ZCCHC14: variants seen among roughly 807,000 people sequenced by gnomAD.
The protein encoded by ZCCHC14 is zinc finger CCHC-type containing 14.
In ZCCHC14, 16 loss-of-function variants were observed where a neutral mutation model predicts 85.0. The observed-to-expected ratio is 0.19, with a 90% CI of 0.13 to 0.29. The LOEUF is 0.29. Ranked by LOEUF, ZCCHC14 falls within the 10% of genes least tolerant of loss-of-function variation. The pLI is 1.00. For missense variants in ZCCHC14, 1,303 were observed against 1,443.5 expected (o/e 0.90, Z 1.58); for synonymous variants, 775 against 630.7 (o/e 1.23, Z -3.43).
chr16:87,410,812 C>T (rs1025714618), intron 12 of ZCCHC14, among the ~76,000 whole-genome samples: 1 of 152,170 alleles, frequency 6.6e-6, no homozygotes, highest in African/African-American at 2.4e-5. Flanking sequence ...TCCAGGTGAA[C>T]GTGATGTTAC....
At chr16:87,489,651 T>A (rs542238853) in intron 1 of ZCCHC14, among the ~76,000 whole-genome samples, 1 of 152,268 alleles carries the variant, frequency 6.6e-6, no homozygotes, top group East Asian at 1.9e-4. Flanking sequence ...GGCTGGTAAA[T>A]TCAGCGCCCA....
intron 1 of ZCCHC14, among the ~76,000 whole-genome samples, chr16:87,479,453 T>G (rs1912169378): frequency 6.6e-6 from 1 of 151,966 alleles, no homozygotes; most frequent in Admixed American, 6.6e-5. Context: ...ATATAATTTC[T>G]TTCTGGTAAT....
chr16:87,478,732 G>A (rs1332843249), intron 1 of ZCCHC14, among the ~76,000 whole-genome samples: 3 of 151,524 alleles, frequency 2.0e-5, no homozygotes, highest in African/African-American at 4.9e-5. Context: ...TCAGCCTCCC[G>A]AGTAGCTGGG....
At chr16:87,431,659 C>T (rs1004308473) in intron 3 of ZCCHC14, among the ~76,000 whole-genome samples, 5 of 152,108 alleles carry the variant, frequency 3.3e-5, no homozygotes, top group Non-Finnish European at 7.4e-5. Context: ...TGACCATATG[C>T]GAAGACAGCT....
intron 2 of ZCCHC14, among the ~76,000 whole-genome samples, chr16:87,456,142 A>G (rs1439905698): frequency 6.6e-6 from 1 of 152,184 alleles, no homozygotes; most frequent in African/African-American, 2.4e-5. Context: ...AAGAACCCAT[A>G]AGGAAATTGA....
chr16:87,446,417 G>C (rs955673232), intron 2 of ZCCHC14, among the ~76,000 whole-genome samples: 3 of 151,354 alleles, frequency 2.0e-5, no homozygotes, highest in Non-Finnish European at 4.4e-5. Flanking sequence ...CTGGAAGGCA[G>C]AGGTTACAGT....
intron 2 of ZCCHC14, among the ~76,000 whole-genome samples, chr16:87,458,072 C>A (rs1911062250): frequency 6.8e-6 from 1 of 147,790 alleles, no homozygotes; most frequent in African/African-American, 2.5e-5. Flanking sequence ...GAGACAATGA[C>A]AGATACTCGC....
intron 2 of ZCCHC14, among the ~76,000 whole-genome samples, chr16:87,436,320 GC>G (rs1185318656): frequency 2.6e-5 from 4 of 152,338 alleles, no homozygotes; most frequent in African/African-American, 7.2e-5. Flanking sequence ...GGCAGTGGCG[GC>G]CCCCCGCCAG....
intron 8 of ZCCHC14, 92 bp downstream of exon 8, chr16:87,417,368 A>G: frequency 1.3e-6 from 2 of 1,537,836 alleles, no homozygotes; most frequent in South Asian, 2.5e-5. Flanking sequence ...TACTTCATCC[A>G]CCTTGTGTTG....
At chr16:87,456,450 G>A (rs1012305365) in intron 2 of ZCCHC14, among the ~76,000 whole-genome samples, 3 of 141,644 alleles carry the variant, frequency 2.1e-5, no homozygotes, top group African/African-American at 7.6e-5. Flanking sequence ...AGAGAATGGC[G>A]TGAACCCGGG....
intron 1 of ZCCHC14, among the ~76,000 whole-genome samples, chr16:87,481,481 G>C (rs185983585): frequency 6.9e-6 from 1 of 144,252 alleles, no homozygotes; most frequent in Non-Finnish European, 1.5e-5. Context: ...CCAGAGAAGT[G>C]TGCCATGTAT....
chr16:87,454,724 T>A (rs1910868757), intron 2 of ZCCHC14, among the ~76,000 whole-genome samples: 1 of 152,232 alleles, frequency 6.6e-6, no homozygotes, highest in African/African-American at 2.4e-5. Context: ...TATAAAAGAC[T>A]ATCATCTTTT....
chr16:87,462,864 G>GT (rs200502531), intron 1 of ZCCHC14, among the ~76,000 whole-genome samples: 2,532 of 152,232 alleles, frequency 0.017, 24 homozygotes, highest in Middle Eastern at 0.048. Context: ...GAGGTCAGGA[G>GT]TTTGAGACCA....
At chr16:87,467,292 T>C (rs1911569791) in intron 1 of ZCCHC14, 3 of 1,579,104 alleles carry the variant, frequency 1.9e-6, no homozygotes, top group East Asian at 2.2e-5. Context: ...CTGGTTTTTA[T>C]CAAGCCTCAA....
chr16:87,469,452 C>G (rs576866894), intron 1 of ZCCHC14, among the ~76,000 whole-genome samples: 44 of 152,318 alleles, frequency 2.9e-4, no homozygotes, highest in African/African-American at 1.0e-3. Flanking sequence ...CACATTAAAT[C>G]CAAGGAGGCG....
intron 8 of ZCCHC14, among the ~76,000 whole-genome samples, chr16:87,416,783 T>A (rs1489970708): frequency 6.6e-6 from 1 of 152,032 alleles, no homozygotes; most frequent in African/African-American, 2.4e-5. Context: ...CATTCACAAA[T>A]CCTAAACAAA....
chr16:87,471,490 C>T (rs1426335990), intron 1 of ZCCHC14: 2 of 152,278 alleles, frequency 1.3e-5, no homozygotes, highest in Middle Eastern at 3.2e-3. Context: ...GAACCCAGTA[C>T]TTAACTAGAC....
intron 2 of ZCCHC14, among the ~76,000 whole-genome samples, chr16:87,452,116 G>C (rs1192430943): frequency 6.6e-6 from 1 of 152,240 alleles, no homozygotes; most frequent in East Asian, 1.9e-4. Flanking sequence ...GAGGGGCAAG[G>C]CCAGAGACAG....
At chr16:87,415,712 A>G (rs913426609) in intron 8 of ZCCHC14, among the ~76,000 whole-genome samples, 1 of 152,172 alleles carries the variant, frequency 6.6e-6, no homozygotes, top group Admixed American at 6.5e-5. Flanking sequence ...CAGCAGGTAC[A>G]TGCTTTGGGG....
Sources: gnomAD v4.1 joint callset for allele counts (sites outside exome capture counted in the v4.1 genomes callset) on GRCh38, gnomAD v4.1.1 for gene constraint, MANE v1.5 for transcripts, NCBI Gene and HGNC (gene_info 2026-07-23, HGNC 2026-07-21) for gene names.